GPHN: variants seen among roughly 807,000 people sequenced by gnomAD.
GPHN encodes gephyrin.
GPHN carries 17 observed loss-of-function variants against 95.5 expected under a neutral mutation model. The ratio of observed to expected loss-of-function variants is 0.18; its 90% CI spans 0.12 to 0.27. The LOEUF is 0.27. Ranked by LOEUF, GPHN falls within the 10% of genes least tolerant of loss-of-function variation. The pLI is 1.00. For synonymous variants in GPHN, 320 were observed against 322.5 expected, an observed-to-expected ratio of 0.99 and a Z score of 0.08; for missense variants, 660 against 978.1, an observed-to-expected ratio of 0.67 and a Z score of 4.34.
At chr14:67,583,267 C>T in the GPHN span, among the ~76,000 whole-genome samples, 1 of 152,006 alleles carries the variant, frequency 6.6e-6, no homozygotes, top group Non-Finnish European at 1.5e-5. Flanking sequence ...GTTTTTATTC[C>T]CACCTAATAG....
the GPHN span, among the ~76,000 whole-genome samples, chr14:67,254,643 C>G: frequency 6.6e-6 from 1 of 152,092 alleles, no homozygotes; most frequent in Non-Finnish European, 1.5e-5. Flanking sequence ...TAGATAGCAC[C>G]AGATATGAGT....
intron 1 of GPHN, among the ~76,000 whole-genome samples, chr14:66,657,541 C>A (rs2065375398): frequency 6.6e-6 from 1 of 152,190 alleles, no homozygotes; most frequent in African/African-American, 2.4e-5. Flanking sequence ...CTTAGGCTGA[C>A]TCATGAGTTA....
At chr14:66,853,062 C>A (rs887302225) in intron 4 of GPHN, among the ~76,000 whole-genome samples, 3 of 152,148 alleles carry the variant, frequency 2.0e-5, no homozygotes, top group South Asian at 4.1e-4. Context: ...AAATGAAGAA[C>A]CACAGGCACT....
At chr14:67,690,214 T>G in the GPHN span, 1 of 1,612,374 alleles carries the variant, frequency 6.2e-7, no homozygotes, top group Non-Finnish European at 8.5e-7. Flanking sequence ...AGGCCCACCT[T>G]TTAGTCTCCG....
At chr14:66,619,515 CT>C (rs1050902234) in intron 1 of GPHN, among the ~76,000 whole-genome samples, 10 of 146,028 alleles carry the variant, frequency 6.8e-5, no homozygotes, top group East Asian at 4.0e-4. Context: ...ATATGTATAT[CT>C]TTTTTTTGGT....
chr14:66,713,248 TC>T (rs1479436482), intron 2 of GPHN, among the ~76,000 whole-genome samples: 1 of 152,222 alleles, frequency 6.6e-6, no homozygotes. Context: ...TCTGATGTTA[TC>T]GTCTAGAATT....
chr14:67,131,760 A>T (rs2079729979), intron 17 of GPHN, among the ~76,000 whole-genome samples: 1 of 152,216 alleles, frequency 6.6e-6, no homozygotes, highest in Non-Finnish European at 1.5e-5. Context: ...GAATATAACA[A>T]GCGGTAATCA....
intron 3 of GPHN, among the ~76,000 whole-genome samples, chr14:66,781,753 C>G (rs1257740259): frequency 6.6e-6 from 1 of 151,956 alleles, no homozygotes; most frequent in African/African-American, 2.4e-5. Context: ...ACCACTGTAC[C>G]ACAGATCACT....
chr14:66,686,883 G>T (rs1253845555), intron 2 of GPHN, among the ~76,000 whole-genome samples: 1 of 152,046 alleles, frequency 6.6e-6, no homozygotes, highest in African/African-American at 2.4e-5. Flanking sequence ...TATTGGCTGT[G>T]GGTTTGTCAT....
chr14:67,167,183 C>T (rs961446456), intron 20 of GPHN, among the ~76,000 whole-genome samples: 2 of 152,190 alleles, frequency 1.3e-5, no homozygotes, highest in African/African-American at 4.8e-5. Flanking sequence ...AATCCCCCAA[C>T]ACCCACATAT....
intron 2 of GPHN, among the ~76,000 whole-genome samples, chr14:66,768,524 T>G (rs1364471976): frequency 6.6e-6 from 1 of 152,032 alleles, no homozygotes; most frequent in Non-Finnish European, 1.5e-5. Context: ...GAGCAGTGAC[T>G]TTGAAAGCAG....
At chr14:67,079,691 G>C (rs1376280104) in intron 11 of GPHN, among the ~76,000 whole-genome samples, 1 of 151,936 alleles carries the variant, frequency 6.6e-6, no homozygotes, top group Admixed American at 6.6e-5. Flanking sequence ...TCATATTTTT[G>C]TGAGACAGAT....
the GPHN span, chr14:67,333,025 CA>C: frequency 4.6e-5 from 63 of 1,358,718 alleles, no homozygotes; most frequent in African/African-American, 8.8e-4. Flanking sequence ...GACTGCCCGA[CA>C]CTGCAGCAAG....
At chr14:67,610,496 C>T in the GPHN span, among the ~76,000 whole-genome samples, 2 of 152,156 alleles carry the variant, frequency 1.3e-5, no homozygotes, top group Admixed American at 1.3e-4. Context: ...GAATGAGCTG[C>T]TGTTGCTTCC....
At chr14:67,061,282 C>G (rs1232812243) in intron 11 of GPHN, among the ~76,000 whole-genome samples, 1 of 152,086 alleles carries the variant, frequency 6.6e-6, no homozygotes, top group African/African-American at 2.4e-5. Flanking sequence ...CTCAGGTGAT[C>G]CACCCACCTC....
intron 1 of GPHN, among the ~76,000 whole-genome samples, chr14:66,527,152 T>C (rs1368696850): frequency 3.9e-5 from 6 of 152,176 alleles, no homozygotes; most frequent in Admixed American, 3.9e-4. Context: ...TTTCAGAACT[T>C]GTTACTGGTC....
At chr14:67,343,220 T>A in the GPHN span, 1 of 492,056 alleles carries the variant, frequency 2.0e-6, no homozygotes, top group Non-Finnish European at 3.6e-6. Context: ...TTTTTTTTTT[T>A]ACTATGGACA....
chr14:67,439,262 G>T, the GPHN span, among the ~76,000 whole-genome samples: 5 of 152,214 alleles, frequency 3.3e-5, no homozygotes, highest in Non-Finnish European at 7.3e-5. Flanking sequence ...TGCTAAATAT[G>T]TAAGGTGTTT....
At chr14:66,783,619 A>C (rs1056229864) in intron 3 of GPHN, among the ~76,000 whole-genome samples, 1 of 152,250 alleles carries the variant, frequency 6.6e-6, no homozygotes, top group African/African-American at 2.4e-5. Flanking sequence ...AGGCTAAGCC[A>C]GGTGAGGCTA....
Sources: gnomAD v4.1 joint callset for allele counts (sites outside exome capture counted in the v4.1 genomes callset) on GRCh38, gnomAD v4.1.1 for gene constraint, MANE v1.5 for transcripts, NCBI Gene and HGNC (gene_info 2026-07-23, HGNC 2026-07-21) for gene names.